GRIK5: variants seen among roughly 807,000 people sequenced by gnomAD.
GRIK5 encodes glutamate receptor ionotropic, kainate 5.
A neutral mutation model predicts 97.4 loss-of-function variants in GRIK5; 43 were observed. The ratio of observed to expected loss-of-function variants is 0.44; its 90% confidence interval spans 0.35 to 0.57. GRIK5 has a LOEUF of 0.57. GRIK5 is among the 20% of genes least tolerant of loss of function. The pLI is 0.01. For missense variants in GRIK5, 1,015 were observed against 1,382.0 expected (o/e 0.73, Z 4.21); for synonymous variants, 580 against 583.5 (o/e 0.99, Z 0.09).
intron 5 of GRIK5, among the ~76,000 whole-genome samples, chr19:42,061,817 C>G (rs948277358): frequency 2.6e-5 from 4 of 152,112 alleles, no homozygotes; most frequent in Admixed American, 2.0e-4. Flanking sequence ...CCAGCCTGTT[C>G]TCTACACTGC....
At chr19:42,060,850 G>A (rs1040544329) in intron 5 of GRIK5, among the ~76,000 whole-genome samples, 1 of 151,630 alleles carries the variant, frequency 6.6e-6, no homozygotes, top group Non-Finnish European at 1.5e-5. Context: ...TGCACCCCAC[G>A]CCCATACCAT....
At chr19:42,048,756 G>A (rs1226469865) in intron 11 of GRIK5, among the ~76,000 whole-genome samples, 1 of 151,934 alleles carries the variant, frequency 6.6e-6, no homozygotes, top group Admixed American at 6.5e-5. Context: ...AGCCAATAAA[G>A]GGCCAAGTGT....
rs1328577760 is a variant in GRIK5 at position 42,002,767 on chromosome 19, CCT to C, written c.2514+563_2514+564del. ...CCAGGGCTGTGTCCTCTTCTGGTTC[CCT>C]CTGTCACCCAGGCTGGAGTGCAGTG... On this transcript the variant is annotated intron_variant, in intron 19 of 19. Transcript: ENST00000593562. The surrounding 1 kb of genome is among the most constrained non-coding windows in gnomAD (Gnocchi z 5.2). Among the ~76,000 whole-genome samples, 6 of 152,034 alleles carry C rather than the reference CCT, an allele frequency of 3.9e-5. No individual in the cohort carries two copies. Among genetic ancestry groups the C allele is most frequent in the African/African-American group, 1.2e-4 (5 of 41,366 alleles).
intron 15 of GRIK5, among the ~76,000 whole-genome samples, chr19:42,019,986 GGTTT>G (rs2075677812): frequency 6.7e-6 from 1 of 149,340 alleles, no homozygotes. Context: ...TTTTTTTGGG[GGTTT>G]TTTTTTTTTT....
Position 42,062,873 on chromosome 19 carries a change from G to A in GRIK5, c.245-18C>T. On this transcript the variant is annotated intron_variant, in intron 3 of 19. Transcript: ENST00000593562. This position sits in a 1 kb window ranked among gnomAD's most constrained non-coding sequence, Gnocchi z 5.3. Reference sequence around the variant, plus strand: ...CTGACACACTGCGTGGGAAGGGGAAGAGACCGCAGAGTCAGGGACCCCCTG... The same window carrying A: ...CTGACACACTGCGTGGGAAGGGGAAAAGACCGCAGAGTCAGGGACCCCCTG... 3 of 1,582,342 alleles carry A rather than the reference G, an allele frequency of 1.9e-6. No homozygotes were observed. The highest frequency in any genetic ancestry group is 2.6e-6 in the Non-Finnish European group (3 of 1,151,194).
intron 12 of GRIK5, among the ~76,000 whole-genome samples, chr19:42,041,895 G>T (rs774761506): frequency 6.6e-6 from 1 of 152,126 alleles, no homozygotes; most frequent in Non-Finnish European, 1.5e-5. Flanking sequence ...CTCTGGGACC[G>T]TCCTCTGAGC....
At position 42,065,950 on chromosome 19, in the gene GRIK5, A is replaced by G. The variant is rs2076325715; in HGVS notation, c.-50-130T>C. On this transcript the variant is annotated intron_variant, in intron 1 of 19. Coordinates refer to ENST00000593562, the MANE Select transcript of GRIK5 (RefSeq NM_002088.5). The surrounding 1 kb of genome is among the most constrained non-coding windows in gnomAD (Gnocchi z 5.8). ...TGGCAAGCAGTTCACAGCTCTGCAG[A>G]GCCCTGCTCTGTTTAGAAGCTGGCA... The G allele has an allele frequency of 3.3e-6, 2 of 602,860 alleles. No homozygotes were observed. Among genetic ancestry groups the G allele is most frequent in the South Asian group, 3.9e-5 (2 of 51,928 alleles). 37.3% of individuals were successfully genotyped at this position (602,860 alleles called of 1,614,324 possible). A position where few individuals can be genotyped will look rare whatever the true frequency, so the allele number is the denominator to read the frequency against.
chr19:42,036,987 G>C (rs1385864008), intron 12 of GRIK5, among the ~76,000 whole-genome samples: 1 of 152,208 alleles, frequency 6.6e-6, no homozygotes, highest in Admixed American at 6.5e-5. Context: ...CCTGCCTGCA[G>C]GTCACAAAGC....
Position 42,062,828 on chromosome 19 carries a change from A to C in GRIK5, c.272T>G (p.Val91Gly), listed in dbSNP as rs750448447. 5.0e-6 allele frequency: 8 copies of C among 1,613,932 alleles called. No homozygotes were observed. The highest frequency in any genetic ancestry group is 6.8e-6 in the Non-Finnish European group (8 of 1,179,782). The change falls in exon 4 of 20, where the codon GTG becomes GGG. Residue 91 changes from valine to glycine, a missense_variant. By Grantham distance (109) the Val-to-Gly change is moderately radical. Coordinates refer to ENST00000593562, the MANE Select transcript of GRIK5 (RefSeq NM_002088.5). This position sits in a 1 kb window ranked among gnomAD's most constrained non-coding sequence, Gnocchi z 5.3. ...TMCQILPKGVVSVLGPSSSPA... is the reference protein window; with the variant it reads ...TMCQILPKGVGSVLGPSSSPA... Reference sequence around the variant, plus strand: ...GCTAGAGGAGGGCCCAAGGACAGACACAACCCCTTTGGGTAAGATCTGACA... The same window carrying C: ...GCTAGAGGAGGGCCCAAGGACAGACCCAACCCCTTTGGGTAAGATCTGACA...
chr19:42,061,617 C>T (rs932379714), intron 5 of GRIK5, among the ~76,000 whole-genome samples: 7 of 152,246 alleles, frequency 4.6e-5, no homozygotes, highest in Non-Finnish European at 8.8e-5. Context: ...CCATGCCCGA[C>T]GTGTGCCCCG....
At chr19:42,039,190 G>C (rs1050937915) in intron 12 of GRIK5, among the ~76,000 whole-genome samples, 9 of 152,088 alleles carry the variant, frequency 5.9e-5, no homozygotes, top group African/African-American at 2.2e-4. Flanking sequence ...CCCTTCAAGG[G>C]TGGCCGGGCA....
At chr19:42,059,550 G>A in intron 5 of GRIK5, 23 bp from the exon 6 acceptor site, 1 of 1,600,416 alleles carries the variant, frequency 6.2e-7, no homozygotes, top group Non-Finnish European at 8.5e-7. Flanking sequence ...TGGGGCCTTG[G>A]GTTGGAGCCC....
At chr19:42,010,825 G>C (rs78916059) in intron 15 of GRIK5, among the ~76,000 whole-genome samples, 1 of 152,078 alleles carries the variant, frequency 6.6e-6, no homozygotes, top group Admixed American at 6.5e-5. Flanking sequence ...TAGTGGTTTG[G>C]TTTTGTTTTT....
chr19:42,013,991 T>C (rs2075596404), intron 15 of GRIK5, among the ~76,000 whole-genome samples: 1 of 145,472 alleles, frequency 6.9e-6, no homozygotes, highest in African/African-American at 2.6e-5. Flanking sequence ...ATCACACTAC[T>C]GCACTCCAGT....
At chr19:42,017,957 G>A (rs1003653125) in intron 15 of GRIK5, among the ~76,000 whole-genome samples, 4 of 152,014 alleles carry the variant, frequency 2.6e-5, no homozygotes, top group African/African-American at 4.8e-5. Flanking sequence ...AGGACTCATC[G>A]CACCAAGTGA....
At chr19:42,013,411 T>TC (rs1442826613) in intron 15 of GRIK5, among the ~76,000 whole-genome samples, 2 of 140,490 alleles carry the variant, frequency 1.4e-5, no homozygotes, top group African/African-American at 5.2e-5. Context: ...TTCTTTTCTT[T>TC]TTTTTTTTTT....
At position 42,062,777 on chromosome 19, in the gene GRIK5, T is replaced by C. The variant is rs377428704; in HGVS notation, c.323A>G (p.His108Arg). ...SSPASASTVS[H>R]ICGEKEIPHI... Reference sequence around the variant, plus strand: ...TCTCACCTCCTTCTCTCCACAGATATGGCTCACGGTGGAGGCAGATGCTGG... The same window carrying C: ...TCTCACCTCCTTCTCTCCACAGATACGGCTCACGGTGGAGGCAGATGCTGG... The change falls in exon 4 of 20, where the codon CAT becomes CGT. Residue 108 changes from histidine (H) to arginine (R), a missense_variant. Coordinates refer to ENST00000593562, the MANE Select transcript of GRIK5 (RefSeq NM_002088.5). The surrounding 1 kb of genome is among the most constrained non-coding windows in gnomAD (Gnocchi z 5.3). The C allele has an allele frequency of 1.9e-6, 3 of 1,613,548 alleles. No homozygotes were observed. The highest frequency in any genetic ancestry group is 1.7e-5 in the Admixed American group (1 of 60,008).
Position 42,003,798 on chromosome 19 carries a change from G to T in GRIK5, c.2264-115C>A, listed in dbSNP as rs114774924. 9.8e-4 allele frequency: 1,145 copies of T among 1,173,734 alleles called. 13 individuals are homozygous for T. In the African/African-American group the frequency reaches 0.016, roughly 17 times the overall value. The allele number at this position is 1,173,734 out of a possible 1,614,324, so 72.7% of individuals were successfully genotyped here. On this transcript the variant is annotated intron_variant, in intron 17 of 19. Transcript: ENST00000593562. The surrounding 1 kb of genome is among the most constrained non-coding windows in gnomAD (Gnocchi z 4.2). ...CCCCCGCCTCTACCACGTGCCCAGGGTCTTCCCTGCAGCCTCTCCTCACCC... is the reference window on the plus strand; with the variant it reads ...CCCCCGCCTCTACCACGTGCCCAGGTTCTTCCCTGCAGCCTCTCCTCACCC...
chr19:42,006,049 G>A lies in GRIK5; in HGVS notation c.2038-101C>T. 1.5e-6 allele frequency: 1 copy of A among 686,520 alleles called. No individual in the cohort carries two copies. The highest frequency in any genetic ancestry group is 1.7e-5 in the South Asian group (1 of 60,152). 42.5% of individuals were successfully genotyped at this position (686,520 alleles called of 1,614,324 possible). ...CCAGGAAGTCTCCCTCAACCCAGGA[G>A]AATGCAAGGTGATCAAAGGAAGACA... On this transcript the variant is annotated intron_variant, in intron 16 of 19. Coordinates refer to ENST00000593562, the MANE Select transcript of GRIK5 (RefSeq NM_002088.5). This position sits in a 1 kb window ranked among gnomAD's most constrained non-coding sequence, Gnocchi z 5.3.
Sources: gnomAD v4.1 joint callset for allele counts (sites outside exome capture counted in the v4.1 genomes callset) on GRCh38, gnomAD v4.1.1 for gene constraint, Gnocchi (gnomAD v3.1) non-coding constraint, MANE v1.5 for transcripts, NCBI Gene and HGNC (gene_info 2026-07-23, HGNC 2026-07-21) for gene names.